Variants in KCNB2 observed in about 807,000 individuals in gnomAD.
KCNB2 encodes delayed rectifier potassium channel protein.
A neutral mutation model predicts 61.5 loss-of-function variants in KCNB2; 15 were observed. The observed-to-expected ratio is 0.24, with a 90% CI of 0.16 to 0.38. The LOEUF (loss-of-function observed/expected upper bound fraction) is 0.38. Ranked by LOEUF, KCNB2 falls within the 10% of genes least tolerant of loss-of-function variation. The probability of loss-of-function intolerance (pLI) is 1.00; values close to 1 mark genes in which losing one functional copy is unlikely to be tolerated. For synonymous variants in KCNB2, 457 were observed against 446.0 expected (o/e 1.02, Z -0.31); for missense variants, 828 against 1,125.2 (o/e 0.74, Z 3.78).
At chr8:72,617,631 C>A (rs1165776231) in intron 2 of KCNB2, among the ~76,000 whole-genome samples, 1 of 151,614 alleles carries the variant, frequency 6.6e-6, no homozygotes, top group Non-Finnish European at 1.5e-5. Context: ...GACTATAGCT[C>A]ATTTTGATTA....
chr8:72,771,090 G>C lies in KCNB2; in HGVS notation c.580-164845G>C, dbSNP rs79484586. 2.5e-4 allele frequency among the ~76,000 whole-genome samples: 38 copies of C among 152,330 alleles called. No homozygotes were observed. In the East Asian group the frequency reaches 6.7e-3, roughly 27 times the overall value. Reference sequence around the variant, plus strand: ...CCTGGAGTAGCTCAAGCTGAAGTCTGTGGTTTCTCCAGAAAAATCATCTGA... The same window carrying C: ...CCTGGAGTAGCTCAAGCTGAAGTCTCTGGTTTCTCCAGAAAAATCATCTGA... On this transcript the variant is annotated intron_variant, in intron 2 of 2. Transcript: ENST00000523207.
At chr8:72,837,112 C>T (rs1473524677) in intron 2 of KCNB2, among the ~76,000 whole-genome samples, 2 of 152,124 alleles carry the variant, frequency 1.3e-5, no homozygotes, top group Non-Finnish European at 1.5e-5. Context: ...TAGAATTAGA[C>T]ATACTGTTCC....
intron 2 of KCNB2, among the ~76,000 whole-genome samples, chr8:72,621,516 A>G (rs1038153615): frequency 2.0e-5 from 3 of 151,852 alleles, no homozygotes; most frequent in African/African-American, 2.4e-5. Flanking sequence ...ATTTCCCTGC[A>G]CTCATTTTTA....
chr8:72,771,788 T>C (rs1478138920), intron 2 of KCNB2, among the ~76,000 whole-genome samples: 1 of 152,148 alleles, frequency 6.6e-6, no homozygotes, highest in East Asian at 1.9e-4. Flanking sequence ...AGAGCAGACC[T>C]TTTGATATAA....
At chr8:72,622,164 A>G (rs1186522551) in intron 2 of KCNB2, among the ~76,000 whole-genome samples, 9 of 152,244 alleles carry the variant, frequency 5.9e-5, no homozygotes, top group African/African-American at 2.2e-4. Flanking sequence ...TGTACACAGA[A>G]AATAGACAGT....
chr8:72,579,049 G>A (rs1806848394), intron 2 of KCNB2, among the ~76,000 whole-genome samples: 1 of 152,128 alleles, frequency 6.6e-6, no homozygotes, highest in Non-Finnish European at 1.5e-5. Context: ...TTTCATTGCA[G>A]CACGGCCCAA....
chr8:72,741,419 T>TTAG (rs1266433052), intron 2 of KCNB2, among the ~76,000 whole-genome samples: 1 of 152,164 alleles, frequency 6.6e-6, no homozygotes, highest in Non-Finnish European at 1.5e-5. Context: ...ATTTCTTTTC[T>TTAG]TATTATTATT....
At chr8:72,851,632 C>T (rs1810109823) in intron 2 of KCNB2, among the ~76,000 whole-genome samples, 3 of 151,900 alleles carry the variant, frequency 2.0e-5, no homozygotes, top group Admixed American at 6.6e-5. Context: ...TCTCACTGAG[C>T]ATTTAGTCAG....
chr8:72,883,090 T>C (rs551067709), intron 2 of KCNB2, among the ~76,000 whole-genome samples: 2 of 152,312 alleles, frequency 1.3e-5, no homozygotes, highest in South Asian at 2.1e-4. Context: ...TTTTACAATA[T>C]GATGCGAAGC....
chr8:72,539,985 CAACTT>C (rs887082892), intron 1 of KCNB2, among the ~76,000 whole-genome samples: 44 of 152,284 alleles, frequency 2.9e-4, no homozygotes, highest in African/African-American at 8.4e-4. Flanking sequence ...TCACGTTTCT[CAACTT>C]AAGAGTGTGT....
At chr8:72,719,397 T>C (rs1807508263) in intron 2 of KCNB2, among the ~76,000 whole-genome samples, 1 of 152,170 alleles carries the variant, frequency 6.6e-6, no homozygotes, top group Non-Finnish European at 1.5e-5. Flanking sequence ...ACAATCTACT[T>C]TGTCTATCTT....
chr8:72,843,209 G>A (rs1207658510), intron 2 of KCNB2, among the ~76,000 whole-genome samples: 1 of 152,118 alleles, frequency 6.6e-6, no homozygotes. Context: ...TAATCATCCA[G>A]GAGCAGGTTG....
chr8:72,914,464 A>T (rs7008849), intron 2 of KCNB2, among the ~76,000 whole-genome samples: 69,843 of 152,076 alleles, frequency 0.46, 17,682 homozygotes, highest in Middle Eastern at 0.6. Context: ...TTATGATTGA[A>T]AACTCTTAAT....
intron 2 of KCNB2, among the ~76,000 whole-genome samples, chr8:72,916,931 T>C (rs1351950769): frequency 6.6e-6 from 1 of 152,168 alleles, no homozygotes; most frequent in Non-Finnish European, 1.5e-5. Context: ...CCTGGCATTT[T>C]TATGGGCACA....
At chr8:72,760,369 C>T (rs1212868175) in intron 2 of KCNB2, among the ~76,000 whole-genome samples, 2 of 152,128 alleles carry the variant, frequency 1.3e-5, no homozygotes, top group African/African-American at 4.8e-5. Context: ...TTTCTCTTTC[C>T]CATTCATGCA....
At chr8:72,844,484 T>A (rs933222906) in intron 2 of KCNB2, among the ~76,000 whole-genome samples, 1 of 152,188 alleles carries the variant, frequency 6.6e-6, no homozygotes, top group African/African-American at 2.4e-5. Flanking sequence ...AATGTTGCCC[T>A]ATCTTGCTAG....
intron 2 of KCNB2, among the ~76,000 whole-genome samples, chr8:72,820,602 T>C (rs555292758): frequency 4.6e-5 from 7 of 152,110 alleles, no homozygotes; most frequent in Admixed American, 4.6e-4. Flanking sequence ...TCTGTGACAG[T>C]TCTCCTTTAA....
intron 2 of KCNB2, among the ~76,000 whole-genome samples, chr8:72,755,062 T>C (rs1808265586): frequency 6.6e-6 from 1 of 152,200 alleles, no homozygotes; most frequent in Non-Finnish European, 1.5e-5. Flanking sequence ...CTCTGTGGCC[T>C]TCCTCCCCCA....
rs1454440985 is a variant in KCNB2, at chr8:72,916,798, C to T, written c.580-19137C>T. Among the ~76,000 whole-genome samples the T allele has an allele frequency of 2.6e-5, 4 of 152,110 alleles. No individual in the cohort carries two copies. In the East Asian group the frequency reaches 7.7e-4, roughly 29 times the overall value. On this transcript the variant is annotated intron_variant, in intron 2 of 2. Transcript: ENST00000523207. ...ATTCTTCCCATGAAGTTTGGCCATCCCCAGCCACACTTCTCTCTAAAGCTA... is the reference window on the plus strand; with the variant it reads ...ATTCTTCCCATGAAGTTTGGCCATCTCCAGCCACACTTCTCTCTAAAGCTA...
Sources: allele counts gnomAD v4.1 joint callset (sites outside exome capture counted in the v4.1 genomes callset), GRCh38; gene constraint gnomAD v4.1.1; transcripts MANE v1.5; gene names NCBI Gene and HGNC (gene_info 2026-07-23, HGNC 2026-07-21).